Variants in TANC1 observed in about 807,000 individuals in gnomAD.
TANC1 encodes tetratricopeptide repeat, ankyrin repeat and coiled-coil containing 1.
Under a neutral mutation model 149.7 loss-of-function variants are expected in TANC1, and 77 were observed. The observed-to-expected ratio is 0.51, with a 90% CI of 0.43 to 0.62. The LOEUF (loss-of-function observed/expected upper bound fraction) is 0.62. Ranked by LOEUF, TANC1 falls within the 20% of genes least tolerant of loss-of-function variation. TANC1 has a pLI of 0.00. For synonymous variants in TANC1, 854 were observed against 925.0 expected, an observed-to-expected ratio of 0.92 and a Z score of 1.39; for missense variants, 1,985 against 2,321.8, an observed-to-expected ratio of 0.85 and a Z score of 2.98.
At chr2:158,986,540 C>T (rs2035018748) in intron 1 of TANC1, among the ~76,000 whole-genome samples, 1 of 152,172 alleles carries the variant, frequency 6.6e-6, no homozygotes, top group Admixed American at 6.5e-5. Context: ...GATTTCCAGG[C>T]CCTGCCCCCA....
At chr2:159,005,452 A>G (rs997641792) in intron 2 of TANC1, among the ~76,000 whole-genome samples, 2 of 152,100 alleles carry the variant, frequency 1.3e-5, no homozygotes, top group Non-Finnish European at 2.9e-5. Context: ...TTAGCTGGAC[A>G]TGGTGGCTTG....
At chr2:159,228,163 T>C (rs1287593978) in intron 25 of TANC1, 198 bp downstream of exon 25, 2 of 596,232 alleles carry the variant, frequency 3.4e-6, no homozygotes, top group Non-Finnish European at 5.7e-6. Context: ...CCTCGCATGA[T>C]GTTGAAGGAA....
intron 7 of TANC1, among the ~76,000 whole-genome samples, chr2:159,159,715 TGTGAGAGAGAGA>T (rs1423935169): frequency 9.2e-4 from 58 of 63,214 alleles, no homozygotes; most frequent in African/African-American, 3.0e-3. Context: ...TGTGTGTGTG[TGTGAGAGAGAGA>T]GAGAGAGAGA....
At chr2:159,186,038 C>G (rs2056942504) in intron 15 of TANC1, 139 bp downstream of exon 15, 1 of 649,614 alleles carries the variant, frequency 1.5e-6, no homozygotes, top group Admixed American at 2.7e-5. Context: ...TCCTGCCTCC[C>G]CTCTCCAAAA....
chr2:159,189,925 G>A (rs572355832), intron 16 of TANC1, among the ~76,000 whole-genome samples: 2 of 152,230 alleles, frequency 1.3e-5, no homozygotes, highest in Non-Finnish European at 2.9e-5. Context: ...GGAGGGTTAA[G>A]TGGTAAAAAT....
In TANC1 at chr2:159,219,777, T is replaced by C. The variant is rs1405259659; in HGVS notation, c.3588T>C (p.Tyr1196=). Residue 1196 remains tyrosine, a synonymous_variant, in exon 22 of 27, where the codon TAT becomes TAC. Transcript: ENST00000263635. ...AAGGTCACAGGGCAGTGGTCCAGTATCTGGTTGAAGAAGGAGCTGCAATAG... is the reference window on the plus strand; with the variant it reads ...AAGGTCACAGGGCAGTGGTCCAGTACCTGGTTGAAGAAGGAGCTGCAATAG... The part of the protein sequence containing the change: ...CLKGHRAVVQ[Y]LVEEGAAIDQ... The C allele has an allele frequency of 1.9e-6, 3 of 1,614,028 alleles. No homozygotes were observed. Among genetic ancestry groups the C allele is most frequent in the Non-Finnish European group, 2.5e-6 (3 of 1,180,034 alleles).
At chr2:159,132,091 A>C (rs2050166468) in intron 4 of TANC1, among the ~76,000 whole-genome samples, 1 of 152,216 alleles carries the variant, frequency 6.6e-6, no homozygotes, top group Admixed American at 6.5e-5. Context: ...TCAAAACTGC[A>C]TAGACCAGGG....
At chr2:159,060,199 A>C in intron 2 of TANC1, 1 of 326,922 alleles carries the variant, frequency 3.1e-6, no homozygotes, top group Non-Finnish European at 4.4e-6. Context: ...AAAGAAGAAA[A>C]ATGTCTTAAT....
At chr2:159,059,870 A>C (rs2042102120) in intron 2 of TANC1, among the ~76,000 whole-genome samples, 1 of 139,276 alleles carries the variant, frequency 7.2e-6, no homozygotes, top group African/African-American at 2.7e-5. Context: ...CAGCCAGTGT[A>C]CCATCTAGCA....
At chr2:159,188,246 T>A (rs2057164919) in intron 16 of TANC1, among the ~76,000 whole-genome samples, 1 of 152,250 alleles carries the variant, frequency 6.6e-6, no homozygotes, top group Non-Finnish European at 1.5e-5. Context: ...ATTAAGGAAC[T>A]TTTTTTAGAG....
At position 159,229,093 on chromosome 2, in the gene TANC1, C is replaced by T. The variant is rs139138024; in HGVS notation, c.4151+197C>T. 7.4e-4 allele frequency among the ~76,000 whole-genome samples: 113 copies of T among 152,212 alleles called. No individual in the cohort carries two copies. In the East Asian group the frequency reaches 0.013, roughly 18 times the overall value. ...TCAGTGATGAGTAAACTTCTATTTT[C>T]TCCTGACGTCTCAATAATCATTCCT... On this transcript the variant is annotated intron_variant, in intron 26 of 26. Coordinates refer to ENST00000263635, the MANE Select transcript of TANC1 (RefSeq NM_033394.3).
At chr2:159,039,773 A>G (rs940898190) in intron 2 of TANC1, among the ~76,000 whole-genome samples, 2 of 152,138 alleles carry the variant, frequency 1.3e-5, no homozygotes, top group African/African-American at 2.4e-5. Context: ...ATTTCCGGCT[A>G]TGTGGTCAAT....
rs1444476014 is a variant in TANC1 at position 159,161,918 on chromosome 2, T to C, written c.683-1365T>C. Among the ~76,000 whole-genome samples, 5 of 152,230 alleles carry C rather than the reference T, an allele frequency of 3.3e-5. No individual in the cohort carries two copies. In the South Asian group the frequency reaches 6.2e-4, roughly 19 times the overall value. ...AATTAGCAAGCATTTATTGAGCACT[T>C]ACTATGTGCTGTGCTGTGCTATTCA... On this transcript the variant is annotated intron_variant, in intron 7 of 26. Coordinates refer to ENST00000263635, the MANE Select transcript of TANC1 (RefSeq NM_033394.3).
At chr2:159,065,812 C>A in intron 2 of TANC1, 84 bp from the exon 3 acceptor site, 2 of 1,114,696 alleles carry the variant, frequency 1.8e-6, no homozygotes, top group Non-Finnish European at 2.7e-6. Flanking sequence ...TGTTTGAACA[C>A]AAGTTACCTC....
intron 1 of TANC1, among the ~76,000 whole-genome samples, chr2:158,978,736 T>A (rs2033974494): frequency 1.3e-5 from 2 of 152,196 alleles, no homozygotes; most frequent in African/African-American, 4.8e-5. Flanking sequence ...GTTATCTATG[T>A]CAGTATTCCC....
At chr2:159,158,807 A>G (rs1169028822) in intron 7 of TANC1, among the ~76,000 whole-genome samples, 3 of 152,240 alleles carry the variant, frequency 2.0e-5, no homozygotes, top group Admixed American at 2.0e-4. Flanking sequence ...AAAGACAAAA[A>G]TGTCCATTGC....
At chr2:159,082,212 G>A (rs1331489214) in intron 3 of TANC1, among the ~76,000 whole-genome samples, 1 of 152,190 alleles carries the variant, frequency 6.6e-6, no homozygotes, top group Non-Finnish European at 1.5e-5. Context: ...TTGGGTGTCT[G>A]AACAGAAGGG....
At chr2:159,213,109 A>G (rs980382282) in intron 19 of TANC1, among the ~76,000 whole-genome samples, 1 of 152,106 alleles carries the variant, frequency 6.6e-6, no homozygotes, top group African/African-American at 2.4e-5. Context: ...GACACCCATG[A>G]ATTTTGTCTT....
intron 1 of TANC1, among the ~76,000 whole-genome samples, chr2:158,985,770 A>G (rs965218476): frequency 3.9e-5 from 6 of 152,080 alleles, no homozygotes; most frequent in African/African-American, 1.4e-4. Context: ...CAGCCTCCCA[A>G]GTAGCTGGGA....
Sources: gnomAD v4.1 joint callset for allele counts (sites outside exome capture counted in the v4.1 genomes callset) on GRCh38, gnomAD v4.1.1 for gene constraint, MANE v1.5 for transcripts, NCBI Gene and HGNC (gene_info 2026-07-23, HGNC 2026-07-21) for gene names.